Variants in VSIG1 observed in about 807,000 individuals in gnomAD.
VSIG1 encodes V-set and immunoglobulin domain-containing protein 1.
In VSIG1, 11 loss-of-function variants were observed where a neutral mutation model predicts 20.1. The ratio of observed to expected loss-of-function variants is 0.55; its 90% CI spans 0.34 to 0.91. The LOEUF is 0.91. VSIG1 is among the 40% of genes least tolerant of loss of function. The pLI, the probability that VSIG1 is intolerant of heterozygous loss-of-function variation, is 0.02. For missense variants in VSIG1, 283 were observed against 298.8 expected, an observed-to-expected ratio of 0.95 and a Z score of 0.39; for synonymous variants, 126 against 116.7, an observed-to-expected ratio of 1.08 and a Z score of -0.52.
At chrX:108,048,453 A>G (rs1444533423) in intron 1 of VSIG1, among the ~76,000 whole-genome samples, 2 of 112,792 alleles carry the variant, frequency 1.8e-5, no homozygotes, top group African/African-American at 6.4e-5. Context: ...GAGATTACAC[A>G]TATTTCAACC....
intron 3 of VSIG1, among the ~76,000 whole-genome samples, chrX:108,068,873 C>T (rs1190508367): frequency 8.9e-6 from 1 of 112,157 alleles, no homozygotes; most frequent in Non-Finnish European, 1.9e-5. Flanking sequence ...TGACCTTATA[C>T]AAGTCAGTCC....
upstream of VSIG1, among the ~76,000 whole-genome samples, chrX:108,043,136 G>A (rs1304378280): frequency 9.0e-6 from 1 of 111,421 alleles, no homozygotes; most frequent in African/African-American, 3.3e-5. Flanking sequence ...GTTATTTGGG[G>A]GAAAATGTTG....
intron 2 of VSIG1, among the ~76,000 whole-genome samples, chrX:108,059,070 G>A (rs998174314): frequency 4.5e-5 from 5 of 111,981 alleles, no homozygotes; most frequent in African/African-American, 1.6e-4. Context: ...CTTTCATCAG[G>A]TTCTCAAAAG....
chrX:108,047,467 T>C (rs73533877), intron 1 of VSIG1, among the ~76,000 whole-genome samples: 5,070 of 110,699 alleles, frequency 0.046, 321 homozygotes, highest in African/African-American at 0.16. Flanking sequence ...GTGGGTTTCA[T>C]TTTCTGGAGG....
intron 5 of VSIG1, 135 bp from the exon 6 acceptor site, chrX:108,075,942 G>T: frequency 1.4e-6 from 1 of 720,695 alleles, no homozygotes. Flanking sequence ...GAGTTCTAGG[G>T]GTTTCCATTT....
chrX:108,061,526 G>C (rs932645094), intron 2 of VSIG1: 2 of 1,161,022 alleles, frequency 1.7e-6, no homozygotes, highest in African/African-American at 3.6e-5. Flanking sequence ...GATGTAGCTG[G>C]ACCTCTGAGG....
chrX:108,062,861 T>C (rs1197372041), intron 2 of VSIG1, among the ~76,000 whole-genome samples: 1 of 112,124 alleles, frequency 8.9e-6, no homozygotes, highest in East Asian at 2.8e-4. Flanking sequence ...GATGTCCATG[T>C]CCTCCACCTT....
At chrX:108,044,312 G>C (rs2030526477), upstream of VSIG1, among the ~76,000 whole-genome samples, 1 of 111,470 alleles carries the variant, frequency 9.0e-6, no homozygotes, top group Non-Finnish European at 1.9e-5. Flanking sequence ...CTTACCTGTG[G>C]AGCCTCCCAT....
intron 2 of VSIG1, among the ~76,000 whole-genome samples, chrX:108,059,008 G>A (rs2030968949): frequency 9.0e-6 from 1 of 111,658 alleles, no homozygotes; most frequent in Admixed American, 9.5e-5. Flanking sequence ...GTTTATGTGA[G>A]CACATATGCC....
upstream of VSIG1, among the ~76,000 whole-genome samples, chrX:108,044,039 C>T (rs1023497849): frequency 9.0e-6 from 1 of 111,586 alleles, no homozygotes; most frequent in Non-Finnish European, 1.9e-5. Context: ...CATTGGCCTG[C>T]GGCTGGCACA....
the VSIG1 span, among the ~76,000 whole-genome samples, chrX:108,019,081 T>TAGC: frequency 8.9e-6 from 1 of 112,038 alleles, no homozygotes; most frequent in Admixed American, 9.4e-5. Context: ...GCAGTGAGCA[T>TAGC]AGCAGGGGCA....
intron 6 of VSIG1, among the ~76,000 whole-genome samples, chrX:108,076,833 C>T (rs2031357659): frequency 8.9e-6 from 1 of 112,240 alleles, no homozygotes; most frequent in South Asian, 3.7e-4. Flanking sequence ...CCTTGAAACA[C>T]TGCTCTTTCT....
chrX:108,033,984 C>A, the VSIG1 span, among the ~76,000 whole-genome samples: 1 of 110,408 alleles, frequency 9.1e-6, no homozygotes, highest in South Asian at 3.9e-4. Context: ...AAAAGGAAGA[C>A]ACAATTTATT....
At chrX:108,069,419 A>G (rs1290494806) in intron 3 of VSIG1, among the ~76,000 whole-genome samples, 1 of 111,862 alleles carries the variant, frequency 8.9e-6, no homozygotes, top group Non-Finnish European at 1.9e-5. Flanking sequence ...CTTTTTGGAA[A>G]ATTTGAGACT....
chrX:108,057,877 G>A (rs147254105), intron 1 of VSIG1, among the ~76,000 whole-genome samples, 161 bp from the exon 2 acceptor site: 2,723 of 111,644 alleles, frequency 0.024, 76 homozygotes, highest in African/African-American at 0.084. Flanking sequence ...CACTACCCCA[G>A]TGAGCCCCAA....
At chrX:108,047,919 CACATAT>C (rs2030658349) in intron 1 of VSIG1, among the ~76,000 whole-genome samples, 1 of 34,302 alleles carries the variant, frequency 2.9e-5, no homozygotes, top group African/African-American at 1.5e-4. Context: ...TATATATATA[CACATAT>C]ATATATATAC....
At chrX:108,058,293 T>C in intron 2 of VSIG1, 92 bp downstream of exon 2, 1 of 913,605 alleles carries the variant, frequency 1.1e-6, no homozygotes, top group Non-Finnish European at 1.5e-6. Context: ...AAGAATGGCA[T>C]GCCAGTGACA....
intron 3 of VSIG1, among the ~76,000 whole-genome samples, chrX:108,071,321 T>C (rs915316275): frequency 8.9e-6 from 1 of 111,890 alleles, no homozygotes; most frequent in Admixed American, 9.5e-5. Context: ...TACATCATTG[T>C]CTGTATATAA....
intron 2 of VSIG1, among the ~76,000 whole-genome samples, chrX:108,060,147 TA>T (rs201681208): frequency 9.0e-6 from 1 of 111,079 alleles, no homozygotes; most frequent in Non-Finnish European, 1.9e-5. Flanking sequence ...GAAGCACTTT[TA>T]AAAAAAAATC....
Sources: allele counts gnomAD v4.1 joint callset (sites outside exome capture counted in the v4.1 genomes callset), GRCh38; gene constraint gnomAD v4.1.1; transcripts MANE v1.5; gene names NCBI Gene and HGNC (gene_info 2026-07-23, HGNC 2026-07-21).